Variants in CAST observed in about 807,000 individuals in gnomAD.
CAST encodes the protein calpastatin.
A neutral mutation model predicts 119.6 loss-of-function variants in CAST; 76 were observed. The ratio of observed to expected loss-of-function variants is 0.64; its 90% CI spans 0.53 to 0.77. The LOEUF (loss-of-function observed/expected upper bound fraction) is 0.77. CAST is among the 30% of genes least tolerant of loss of function. The pLI, the probability that CAST is intolerant of heterozygous loss-of-function variation, is 0.00. For synonymous variants in CAST, 319 were observed against 331.6 expected, an observed-to-expected ratio of 0.96 and a Z score of 0.41; for missense variants, 953 against 946.5, an observed-to-expected ratio of 1.01 and a Z score of -0.09.
At chr5:96,748,451 T>G in intron 18 of CAST, 67 bp from the exon 19 acceptor site, 1 of 773,760 alleles carries the variant, frequency 1.3e-6, no homozygotes, top group South Asian at 2.0e-5. Flanking sequence ...AATTGCTCCA[T>G]GAAAACTTTT....
In CAST at chr5:96,690,703, CTA is replaced by C. The variant is rs368628762; in HGVS notation, c.139-5131_139-5130del. Among the ~76,000 whole-genome samples, 440 of 152,292 alleles carry C rather than the reference CTA, an allele frequency of 2.9e-3. 3 individuals carry two copies. Among genetic ancestry groups the C allele is most frequent in the African/African-American group, 0.01 (428 of 41,574 alleles). ...TGTACTTATTTGGTCACCACTTAAACTATGGTGTTAAAAGAACATTTGTAAAT... is the reference window on the plus strand; with the variant it reads ...TGTACTTATTTGGTCACCACTTAAACTGGTGTTAAAAGAACATTTGTAAAT... On this transcript the variant is annotated intron_variant, in intron 2 of 31. Coordinates refer to ENST00000675179, the MANE Select transcript of CAST (RefSeq NM_001750.7).
chr5:96,335,995 T>C, the CAST span, among the ~76,000 whole-genome samples: 9 of 152,318 alleles, frequency 5.9e-5, no homozygotes, highest in South Asian at 6.2e-4. Context: ...AGTCTCTCAA[T>C]TGGCTTCCTG....
chr5:96,248,287 C>A, the CAST span, among the ~76,000 whole-genome samples: 1 of 152,204 alleles, frequency 6.6e-6, no homozygotes, highest in African/African-American at 2.4e-5. Context: ...AGAGGGAAAT[C>A]TCTTTTAATG....
chr5:96,519,184 G>A, the CAST span, among the ~76,000 whole-genome samples: 1 of 152,202 alleles, frequency 6.6e-6, no homozygotes, highest in Admixed American at 6.5e-5. Flanking sequence ...ATTTTGCACA[G>A]ATGAGTACTT....
the CAST span, among the ~76,000 whole-genome samples, chr5:96,018,045 G>C: frequency 6.6e-6 from 1 of 152,038 alleles, no homozygotes; most frequent in Non-Finnish European, 1.5e-5. Context: ...GGCTTACTTT[G>C]TCTTGTGGAA....
At chr5:96,517,450 C>T in the CAST span, among the ~76,000 whole-genome samples, 1 of 152,124 alleles carries the variant, frequency 6.6e-6, no homozygotes, top group Non-Finnish European at 1.5e-5. Context: ...CAAGTGTCAC[C>T]GTGGAGACCA....
the CAST span, among the ~76,000 whole-genome samples, chr5:96,266,386 G>T: frequency 6.6e-6 from 1 of 152,196 alleles, no homozygotes; most frequent in Non-Finnish European, 1.5e-5. Context: ...AGCATCAGGA[G>T]TAACTGAATA....
chr5:96,642,652 G>C (rs893955311), intron 1 of CAST, among the ~76,000 whole-genome samples: 1 of 150,324 alleles, frequency 6.7e-6, no homozygotes, highest in Non-Finnish European at 1.5e-5. Flanking sequence ...AGCAATTCTC[G>C]TGCTTCAGCC....
the CAST span, among the ~76,000 whole-genome samples, chr5:96,272,249 T>G: frequency 1.3e-5 from 2 of 152,152 alleles, no homozygotes; most frequent in Admixed American, 6.5e-5. Context: ...ATCCAGTAAT[T>G]TCACTACTGG....
the CAST span, among the ~76,000 whole-genome samples, chr5:96,136,787 T>G: frequency 6.6e-6 from 1 of 152,208 alleles, no homozygotes; most frequent in Non-Finnish European, 1.5e-5. Context: ...CTGTCATTCA[T>G]TTTTTAATTT....
the CAST span, among the ~76,000 whole-genome samples, chr5:96,112,290 C>T: frequency 0.78 from 117,876 of 152,090 alleles, 46,228 homozygotes; most frequent in African/African-American, 0.89. Flanking sequence ...ATACAAATTG[C>T]AGGCATAGTG....
At chr5:96,265,449 G>A in the CAST span, among the ~76,000 whole-genome samples, 1,071 of 152,216 alleles carry the variant, frequency 7.0e-3, 10 homozygotes, top group African/African-American at 0.025. Flanking sequence ...GTAGAGGTTG[G>A]AGAAGGCCAG....
chr5:96,337,264 C>T, the CAST span, among the ~76,000 whole-genome samples: 1 of 152,014 alleles, frequency 6.6e-6, no homozygotes, highest in Non-Finnish European at 1.5e-5. Flanking sequence ...TGACCCAAAC[C>T]CCTTTTAGCC....
the CAST span, among the ~76,000 whole-genome samples, chr5:96,520,099 G>A: frequency 3.9e-5 from 6 of 152,172 alleles, no homozygotes; most frequent in Non-Finnish European, 7.4e-5. Flanking sequence ...GTCTTCATAC[G>A]TCCAGGTTTT....
upstream of CAST, among the ~76,000 whole-genome samples, chr5:96,521,344 C>T (rs1029306821): frequency 1.2e-4 from 19 of 152,192 alleles, no homozygotes; most frequent in African/African-American, 3.9e-4. Flanking sequence ...CCCATCTGTC[C>T]TTCTGGCCTC....
the CAST span, among the ~76,000 whole-genome samples, chr5:96,094,326 A>G: frequency 6.6e-6 from 1 of 152,194 alleles, no homozygotes; most frequent in Non-Finnish European, 1.5e-5. Flanking sequence ...TAACTCATAT[A>G]TATGACTAAG....
the CAST span, among the ~76,000 whole-genome samples, chr5:96,038,731 A>G: frequency 1.3e-5 from 2 of 152,234 alleles, no homozygotes; most frequent in South Asian, 2.1e-4. Context: ...ATAGTATGCC[A>G]TGGTGTATAT....
chr5:96,350,412 T>C, the CAST span, among the ~76,000 whole-genome samples: 1 of 152,228 alleles, frequency 6.6e-6, no homozygotes, highest in South Asian at 2.1e-4. Flanking sequence ...TTATCTCAGG[T>C]GAGCAGAGGG....
At chr5:96,397,947 ATTAT>A in the CAST span, among the ~76,000 whole-genome samples, 2 of 151,912 alleles carry the variant, frequency 1.3e-5, no homozygotes, top group Non-Finnish European at 2.9e-5. Context: ...AATAATCATA[ATTAT>A]TTAATTAATG....
Sources: allele counts gnomAD v4.1 joint callset (sites outside exome capture counted in the v4.1 genomes callset), GRCh38; gene constraint gnomAD v4.1.1; transcripts MANE v1.5; gene names NCBI Gene and HGNC (gene_info 2026-07-23, HGNC 2026-07-21).